The following PIBF1 variants were observed in gnomAD, a reference collection of about 807,000 sequenced individuals.
The protein encoded by PIBF1 is progesterone-induced-blocking factor 1.
A neutral mutation model predicts 112.5 loss-of-function variants in PIBF1; 90 were observed. That is an observed-to-expected ratio of 0.80 (90% CI 0.67 to 0.95). PIBF1 has a LOEUF of 0.95. PIBF1 is among the 40% of genes least tolerant of loss of function. The pLI, the probability that PIBF1 is intolerant of heterozygous loss-of-function variation, is 0.00. For synonymous variants in PIBF1, 301 were observed against 288.6 expected (o/e 1.04, Z -0.44); for missense variants, 915 against 852.3 (o/e 1.07, Z -0.92).
chr13:72,994,051 T>C (rs754913457), intron 16 of PIBF1, among the ~76,000 whole-genome samples: 55 of 151,284 alleles, frequency 3.6e-4, no homozygotes, highest in Non-Finnish European at 4.6e-4. Context: ...GTGAAGGCAC[T>C]GTGGTGAGCC....
chr13:72,927,956 TATACAC>T (rs1273880359), intron 13 of PIBF1, among the ~76,000 whole-genome samples: 4 of 59,618 alleles, frequency 6.7e-5, no homozygotes, highest in African/African-American at 3.3e-4. Flanking sequence ...TATATATATA[TATACAC>T]ATATATATAT....
At chr13:72,872,571 G>T (rs1472454294) in intron 10 of PIBF1, among the ~76,000 whole-genome samples, 1 of 152,074 alleles carries the variant, frequency 6.6e-6, no homozygotes, top group Non-Finnish European at 1.5e-5. Flanking sequence ...TAATTGCTGT[G>T]GAGTAATATT....
At chr13:72,962,992 G>A (rs1221047396) in intron 14 of PIBF1, among the ~76,000 whole-genome samples, 1 of 152,134 alleles carries the variant, frequency 6.6e-6, no homozygotes, top group African/African-American at 2.4e-5. Flanking sequence ...TGCCTATATG[G>A]CCAGTCGTTT....
chr13:72,975,905 A>G (rs1009828279), intron 16 of PIBF1, among the ~76,000 whole-genome samples: 1 of 152,164 alleles, frequency 6.6e-6, no homozygotes, highest in Admixed American at 6.5e-5. Context: ...ATTCAGCCAT[A>G]TCAACTACAT....
chr13:72,991,569 C>T (rs1389805961), intron 16 of PIBF1, among the ~76,000 whole-genome samples: 1 of 152,080 alleles, frequency 6.6e-6, no homozygotes, highest in Non-Finnish European at 1.5e-5. Flanking sequence ...CAGATTTTAT[C>T]AGACTACGTT....
rs141766363 is a variant in PIBF1 at position 72,830,574 on chromosome 13, G to T, written c.1097+2660G>T. ...TGGTTCTGTTTATGTGATGGATTACGTTTATTGATTTGTATGTGTTGAACC... is the reference window on the plus strand; with the variant it reads ...TGGTTCTGTTTATGTGATGGATTACTTTTATTGATTTGTATGTGTTGAACC... On this transcript the variant is annotated intron_variant, in intron 8 of 17. Coordinates refer to ENST00000326291, the MANE Select transcript of PIBF1 (RefSeq NM_006346.4). 7.6e-3 allele frequency among the ~76,000 whole-genome samples: 1,152 copies of T among 152,184 alleles called. 14 individuals carry two copies. Among genetic ancestry groups the T allele is most frequent in the Middle Eastern group, 0.014 (4 of 294 alleles).
At chr13:72,794,086 A>C (rs891263769) in intron 3 of PIBF1, among the ~76,000 whole-genome samples, 2 of 152,192 alleles carry the variant, frequency 1.3e-5, no homozygotes, top group Non-Finnish European at 2.9e-5. Context: ...ACCACAGTAA[A>C]ATAGAAGAAA....
rs770532605 is a variant in PIBF1, at chr13:72,783,587, C to T, written c.118C>T (p.Arg40Ter). 1.7e-5 allele frequency: 28 copies of T among 1,613,904 alleles called. No homozygotes were observed. Among genetic ancestry groups the T allele is most frequent in the Non-Finnish European group, 2.4e-5 (28 of 1,179,876 alleles). The change falls in exon 2 of 18, where the codon CGA becomes TGA. Residue 40 changes from arginine to a stop codon, truncating the protein, a stop_gained. Transcript: ENST00000326291. LOFTEE classifies it high-confidence loss of function. ...GGATGATATTTCCTCATCAGAAGAG[C>T]GAGAGGGCAAAGTCAGAATCACCAG... Reference protein sequence around the residue: ...PTDDISSSEEREGKVRITRQL... With the variant: ...PTDDISSSEE
At chr13:72,794,985 A>C (rs913344442) in intron 3 of PIBF1, among the ~76,000 whole-genome samples, 5 of 152,214 alleles carry the variant, frequency 3.3e-5, no homozygotes, top group Non-Finnish European at 7.4e-5. Context: ...TTACCATCTT[A>C]AAGAGATATC....
At chr13:73,010,501 G>A (rs2044163121) in intron 17 of PIBF1, among the ~76,000 whole-genome samples, 1 of 152,060 alleles carries the variant, frequency 6.6e-6, no homozygotes, top group African/African-American at 2.4e-5. Flanking sequence ...TACTCGGGAG[G>A]CTGAGGCAGG....
chr13:72,786,506 T>C (rs768923408), intron 2 of PIBF1, among the ~76,000 whole-genome samples: 16 of 152,246 alleles, frequency 1.1e-4, no homozygotes, highest in Admixed American at 2.6e-4. Context: ...CAGCACTGTT[T>C]TTGAAGTTAT....
chr13:72,847,242 A>G (rs2037917094), intron 9 of PIBF1, among the ~76,000 whole-genome samples: 1 of 152,228 alleles, frequency 6.6e-6, no homozygotes, highest in Non-Finnish European at 1.5e-5. Flanking sequence ...AAGTTTTCAT[A>G]TCTAGAAACA....
chr13:72,873,785 T>A (rs981263995), intron 10 of PIBF1, among the ~76,000 whole-genome samples: 6 of 143,668 alleles, frequency 4.2e-5, no homozygotes, highest in Admixed American at 1.4e-4. Flanking sequence ...AAAAAAAAAA[T>A]TGCTCTTCTG....
intron 14 of PIBF1, among the ~76,000 whole-genome samples, chr13:72,943,805 A>G (rs2042075838): frequency 1.3e-5 from 2 of 152,200 alleles, no homozygotes; most frequent in African/African-American, 2.4e-5. Flanking sequence ...GGAAAAGGGG[A>G]AAAAGCCAAG....
intron 16 of PIBF1, among the ~76,000 whole-genome samples, chr13:72,994,805 T>C (rs949096161): frequency 3.3e-5 from 5 of 152,196 alleles, no homozygotes; most frequent in African/African-American, 9.7e-5. Context: ...TTTCTCTTCG[T>C]AGTGACAAAA....
intron 9 of PIBF1, among the ~76,000 whole-genome samples, chr13:72,843,609 G>T (rs993849665): frequency 2.0e-5 from 3 of 152,052 alleles, no homozygotes; most frequent in Non-Finnish European, 4.4e-5. Context: ...ACGGGGTTTC[G>T]CCATGTTGGT....
At chr13:72,965,152 A>G in intron 14 of PIBF1, 122 bp from the exon 15 acceptor site, 1 of 833,922 alleles carries the variant, frequency 1.2e-6, no homozygotes, top group Non-Finnish European at 1.9e-6. Flanking sequence ...TTACACAGGA[A>G]AAGCTTTTCA....
intron 13 of PIBF1, among the ~76,000 whole-genome samples, chr13:72,918,928 T>G (rs1296634648): frequency 6.6e-6 from 1 of 150,466 alleles, no homozygotes; most frequent in Non-Finnish European, 1.5e-5. Context: ...GGTCTCAAAC[T>G]CCTGACCTCA....
chr13:72,908,178 A>G (rs1409557909), intron 11 of PIBF1, among the ~76,000 whole-genome samples: 2 of 152,202 alleles, frequency 1.3e-5, no homozygotes, highest in African/African-American at 4.8e-5. Flanking sequence ...CCTCTGTCAA[A>G]TGGCTTTGAT....
Sources: gnomAD v4.1 joint callset for allele counts (sites outside exome capture counted in the v4.1 genomes callset) on GRCh38, gnomAD v4.1.1 for gene constraint, MANE v1.5 for transcripts, NCBI Gene and HGNC (gene_info 2026-07-23, HGNC 2026-07-21) for gene names.